Variants in POC1B observed in about 807,000 individuals in gnomAD.
POC1B encodes POC1 centriolar protein B.
In POC1B, 44 loss-of-function variants were observed where a neutral mutation model predicts 60.6. The observed-to-expected ratio is 0.73, with a 90% CI of 0.57 to 0.93. POC1B has a LOEUF of 0.93. Ranked by LOEUF, POC1B falls within the 40% of genes least tolerant of loss-of-function variation. POC1B has a pLI of 0.00. For missense variants in POC1B, 555 were observed against 572.3 expected (o/e 0.97, Z 0.31); for synonymous variants, 180 against 198.9 (o/e 0.90, Z 0.80).
intron 4 of POC1B, among the ~76,000 whole-genome samples, chr12:89,481,912 A>G (rs10858874): frequency 0.28 from 43,023 of 152,078 alleles, 6,568 homozygotes; most frequent in Non-Finnish European, 0.35. Context: ...TACACAGGCT[A>G]AATCCAAGCC....
At chr12:89,502,480 G>C in intron 2 of POC1B, 4 of 1,144,612 alleles carry the variant, frequency 3.5e-6, no homozygotes, top group Non-Finnish European at 5.2e-6. Flanking sequence ...TGGAAAAGTT[G>C]ACAAAAAAAT....
chr12:89,472,352 A>G (rs1882933405), intron 4 of POC1B, 77 bp from the exon 5 acceptor site: 1 of 931,338 alleles, frequency 1.1e-6, no homozygotes, highest in South Asian at 1.5e-5. Flanking sequence ...ACCACAAATA[A>G]ACCAGGCTGT....
chr12:89,427,175 T>G (rs1363073770), intron 10 of POC1B: 1 of 152,204 alleles, frequency 6.6e-6, no homozygotes, highest in Non-Finnish European at 1.5e-5. Context: ...TAAGACAGTG[T>G]GGCACTGACA....
At chr12:89,411,073 G>A in the POC1B span, among the ~76,000 whole-genome samples, 1 of 152,284 alleles carries the variant, frequency 6.6e-6, no homozygotes, top group African/African-American at 2.4e-5. Flanking sequence ...GGGATGTGAA[G>A]GACCTCTTCA....
chr12:89,507,285 A>AC (rs1461725216), intron 2 of POC1B, among the ~76,000 whole-genome samples: 2 of 150,834 alleles, frequency 1.3e-5, no homozygotes, highest in Middle Eastern at 3.4e-3. Flanking sequence ...AAAAAAAAAA[A>AC]AAAAAAACTA....
intron 2 of POC1B, chr12:89,523,670 T>C (rs1179320496): frequency 2.0e-6 from 3 of 1,538,418 alleles, no homozygotes; most frequent in Non-Finnish European, 2.6e-6. Context: ...CGCCTGTCCC[T>C]TTCCTGTTTG....
the POC1B span, among the ~76,000 whole-genome samples, chr12:89,405,701 ATCCTG>A: frequency 8.5e-5 from 13 of 152,092 alleles, no homozygotes; most frequent in South Asian, 8.3e-4. Context: ...CACACCTGTA[ATCCTG>A]CACTATGGGA....
intron 10 of POC1B, chr12:89,427,802 C>T (rs2120663194): frequency 6.6e-6 from 1 of 152,350 alleles, no homozygotes; most frequent in Admixed American, 6.5e-5. Flanking sequence ...AAAGCTAAAA[C>T]TGTACTGAAA....
intron 9 of POC1B, among the ~76,000 whole-genome samples, chr12:89,465,433 T>C (rs1224762257): frequency 6.6e-6 from 1 of 152,144 alleles, no homozygotes; most frequent in African/African-American, 2.4e-5. Context: ...ATTTCCCTCC[T>C]GATCAATCTT....
intron 4 of POC1B, among the ~76,000 whole-genome samples, chr12:89,479,138 C>A (rs774238012): frequency 6.6e-6 from 1 of 152,242 alleles, no homozygotes; most frequent in African/African-American, 2.4e-5. Context: ...CACTTAATAT[C>A]TTGTGTATAA....
rs1426040163 is a variant in POC1B, at chr12:89,502,050, A to T, written c.101-4708T>A. The T allele has an allele frequency of 4.0e-6, 4 of 988,888 alleles. No individual in the cohort carries two copies. In the Admixed American group the frequency reaches 5.1e-5, roughly 13 times the overall value. 61.3% of individuals were successfully genotyped at this position (988,888 alleles called of 1,614,324 possible). On this transcript the variant is annotated intron_variant, in intron 2 of 11. Transcript: ENST00000313546. Reference sequence around the variant, plus strand: ...AGAATGAAGATAATATTATGACTGCACAGAATGTTCCCCTAAAGCCTCAGA... The same window carrying T: ...AGAATGAAGATAATATTATGACTGCTCAGAATGTTCCCCTAAAGCCTCAGA...
rs543827961 is a variant in POC1B, at chr12:89,470,333, T to C, written c.810+28A>G. 4 of 1,258,646 alleles carry C rather than the reference T, an allele frequency of 3.2e-6. No homozygotes were observed. The South Asian group carries it at 7.7e-5, about 24-fold the overall frequency. 78.0% of individuals were successfully genotyped at this position (1,258,646 alleles called of 1,614,324 possible). On this transcript the variant is annotated intron_variant, in intron 7 of 11. Coordinates refer to ENST00000313546, the MANE Select transcript of POC1B (RefSeq NM_172240.3). ...ATATATTATTTTATATTTTTATATA[T>C]AAAAAGCAAGAATCTGAGTGTTAAT...
chr12:89,485,269 CT>C (rs566787826), intron 4 of POC1B: 151 of 152,322 alleles, frequency 9.9e-4, no homozygotes, highest in African/African-American at 3.5e-3. Flanking sequence ...GCACAAAACA[CT>C]CTGGGAGGCT....
At chr12:89,522,354 T>G (rs1429554117) in intron 2 of POC1B, 1 of 394,204 alleles carries the variant, frequency 2.5e-6, no homozygotes, top group African/African-American at 2.1e-5. Context: ...TTTAATGTGC[T>G]GGCTAAAAAA....
intron 10 of POC1B, among the ~76,000 whole-genome samples, chr12:89,445,151 G>T (rs1473927471): frequency 6.6e-6 from 1 of 152,140 alleles, no homozygotes; most frequent in Non-Finnish European, 1.5e-5. Flanking sequence ...CGGATAGGAA[G>T]AATCAATATT....
At chr12:89,473,666 G>GGA (rs1298649302) in intron 4 of POC1B, among the ~76,000 whole-genome samples, 2 of 109,172 alleles carry the variant, frequency 1.8e-5, no homozygotes, top group Non-Finnish European at 3.5e-5. Flanking sequence ...CCTCAGAAAA[G>GGA]AAAAAAAAAA....
At chr12:89,442,613 A>G (rs1881576480) in intron 10 of POC1B, among the ~76,000 whole-genome samples, 1 of 152,216 alleles carries the variant, frequency 6.6e-6, no homozygotes, top group Non-Finnish European at 1.5e-5. Context: ...AGCACTAAAC[A>G]TGGAAAGGAA....
intron 4 of POC1B, among the ~76,000 whole-genome samples, 187 bp downstream of exon 4, chr12:89,491,749 T>C (rs1208030896): frequency 2.0e-5 from 3 of 152,086 alleles, no homozygotes; most frequent in Admixed American, 1.3e-4. Flanking sequence ...TGTCTGTCTC[T>C]CTGGAATGTA....
At chr12:89,509,429 CT>C (rs1185697267) in intron 2 of POC1B, among the ~76,000 whole-genome samples, 7 of 151,414 alleles carry the variant, frequency 4.6e-5, no homozygotes, top group Non-Finnish European at 8.8e-5. Flanking sequence ...TGAAATGGGC[CT>C]TTTTTTTTCC....
Sources: gnomAD v4.1 joint callset for allele counts (sites outside exome capture counted in the v4.1 genomes callset) on GRCh38, gnomAD v4.1.1 for gene constraint, MANE v1.5 for transcripts, NCBI Gene and HGNC (gene_info 2026-07-23, HGNC 2026-07-21) for gene names.